Variants in TMEM132D observed in about 807,000 individuals in gnomAD.
TMEM132D encodes mature OL transmembrane protein.
In TMEM132D, 21 loss-of-function variants were observed where a neutral mutation model predicts 62.3. The ratio of observed to expected loss-of-function variants is 0.34; its 90% CI spans 0.24 to 0.49. The LOEUF is 0.49. TMEM132D is among the 20% of genes least tolerant of loss of function. The pLI, the probability that TMEM132D is intolerant of heterozygous loss-of-function variation, is 0.99. For missense variants in TMEM132D, 1,346 were observed against 1,402.8 expected, an observed-to-expected ratio of 0.96 and a Z score of 0.65; for synonymous variants, 621 against 575.6, an observed-to-expected ratio of 1.08 and a Z score of -1.13.
intron 2 of TMEM132D, among the ~76,000 whole-genome samples, chr12:129,605,441 A>G (rs1878589091): frequency 6.6e-6 from 1 of 151,832 alleles, no homozygotes; most frequent in African/African-American, 2.4e-5. Flanking sequence ...CACATCCAGG[A>G]AAAAATGGTC....
intron 2 of TMEM132D, among the ~76,000 whole-genome samples, chr12:129,567,966 G>A (rs1032272812): frequency 2.0e-5 from 3 of 152,196 alleles, no homozygotes; most frequent in Non-Finnish European, 2.9e-5. Flanking sequence ...GTGGTTTAGG[G>A]ATGGATTGCC....
chr12:129,286,173 T>G (rs929333313), intron 4 of TMEM132D, among the ~76,000 whole-genome samples: 3 of 152,202 alleles, frequency 2.0e-5, no homozygotes, highest in Non-Finnish European at 4.4e-5. Context: ...AATTTGAGTT[T>G]CAGACATACC....
At chr12:129,349,619 C>T (rs575544176) in intron 3 of TMEM132D, among the ~76,000 whole-genome samples, 4 of 152,292 alleles carry the variant, frequency 2.6e-5, no homozygotes, top group Admixed American at 1.3e-4. Context: ...AACCAACCTT[C>T]ACCTCCTGCT....
intron 5 of TMEM132D, among the ~76,000 whole-genome samples, chr12:129,127,039 G>A (rs928404763): frequency 1.3e-5 from 2 of 152,322 alleles, no homozygotes; most frequent in South Asian, 4.1e-4. Context: ...CCTTTAGAGG[G>A]AAAACATTTT....
At chr12:129,545,886 T>C (rs1876718609) in intron 2 of TMEM132D, among the ~76,000 whole-genome samples, 1 of 152,150 alleles carries the variant, frequency 6.6e-6, no homozygotes, top group South Asian at 2.1e-4. Context: ...CTCGGAGCTG[T>C]CTCTCTTCTC....
At chr12:129,713,782 A>G (rs1868465539) in intron 1 of TMEM132D, among the ~76,000 whole-genome samples, 1 of 152,198 alleles carries the variant, frequency 6.6e-6, no homozygotes, top group Admixed American at 6.5e-5. Flanking sequence ...TCATCTACCC[A>G]GCAGGCTTGC....
rs76352775 is a variant in TMEM132D, at chr12:129,081,761, G to A, written c.1921C>T (p.Gln641Ter). The change falls in exon 7 of 9, where the codon CAG becomes TAG. Residue 641 changes from glutamine to a stop codon, truncating the protein, a stop_gained and splice_region_variant. Transcript: ENST00000422113. LOFTEE classifies it high-confidence loss of function. ...GGGATTTTTTTTTTTTTTTTTACCT[G>A]AATGGTGGTCATCCCAAGCTCCTGC... The part of the protein sequence containing the change: ...MGQELGMTTI[Q>*]ILSPLSDTIL... 6.4e-7 allele frequency: 1 copy of A among 1,562,808 alleles called. No individual in the cohort carries two copies. The highest frequency in any genetic ancestry group is 8.6e-7 in the Non-Finnish European group (1 of 1,156,814).
chr12:129,736,663 G>C (rs1489845463), intron 1 of TMEM132D, among the ~76,000 whole-genome samples: 1 of 151,990 alleles, frequency 6.6e-6, no homozygotes, highest in Admixed American at 6.5e-5. Flanking sequence ...AGAGAAAAAT[G>C]TTCTAGGAGA....
intron 7 of TMEM132D, among the ~76,000 whole-genome samples, chr12:129,081,020 C>T (rs1357642206): frequency 6.6e-6 from 1 of 152,122 alleles, no homozygotes; most frequent in Non-Finnish European, 1.5e-5. Flanking sequence ...GCGGCTGTGA[C>T]TCGGTAGGGG....
intron 4 of TMEM132D, among the ~76,000 whole-genome samples, chr12:129,323,813 G>T (rs1042675881): frequency 1.1e-4 from 16 of 152,088 alleles, no homozygotes; most frequent in African/African-American, 3.9e-4. Context: ...GTCTAGCCAC[G>T]TGTGTTTCAT....
rs138308505 is a variant in TMEM132D at position 129,509,142 on chromosome 12, G to T, written c.1115+21917C>A. Among the ~76,000 whole-genome samples, 22 of 152,232 alleles carry T rather than the reference G, an allele frequency of 1.4e-4. 2 individuals are homozygous for T. Among genetic ancestry groups the T allele is most frequent in the African/African-American group, 5.1e-4 (21 of 41,546 alleles). ...GCTGTGCAGAAATGTAGAAAGCTAT[G>T]CCAGCTGAAATTTTCTGAGGCCACT... On this transcript the variant is annotated intron_variant, in intron 3 of 8. Coordinates refer to ENST00000422113, the MANE Select transcript of TMEM132D (RefSeq NM_133448.3).
chr12:129,586,272 G>C (rs1878027759), intron 2 of TMEM132D, among the ~76,000 whole-genome samples: 1 of 150,634 alleles, frequency 6.6e-6, no homozygotes, highest in South Asian at 2.1e-4. Context: ...CTTCCATCCT[G>C]TGGCCAACTT....
At chr12:129,096,483 A>G (rs1164318499) in intron 5 of TMEM132D, among the ~76,000 whole-genome samples, 2 of 152,194 alleles carry the variant, frequency 1.3e-5, no homozygotes, top group African/African-American at 4.8e-5. Context: ...CTGGGTGTTC[A>G]GGGAGGAGCC....
intron 3 of TMEM132D, among the ~76,000 whole-genome samples, chr12:129,410,551 G>T (rs966835547): frequency 6.6e-6 from 1 of 151,856 alleles, no homozygotes; most frequent in Non-Finnish European, 1.5e-5. Flanking sequence ...GTACAGATGG[G>T]GTTTCTCCAT....
At chr12:129,143,176 T>C (rs1876792638) in intron 5 of TMEM132D, among the ~76,000 whole-genome samples, 1 of 152,168 alleles carries the variant, frequency 6.6e-6, no homozygotes, top group Admixed American at 6.6e-5. Context: ...CTAGAACTTC[T>C]GATTGACTGG....
intron 3 of TMEM132D, among the ~76,000 whole-genome samples, chr12:129,487,224 C>A (rs939283448): frequency 1.1e-4 from 17 of 152,146 alleles, no homozygotes; most frequent in Non-Finnish European, 2.4e-4. Context: ...GAAACTGTAC[C>A]TGCAGCTCCA....
chr12:129,356,270 C>T lies in TMEM132D; in HGVS notation c.1116-18453G>A, dbSNP rs1255837758. The stretch of plus-strand genomic sequence containing the variant: ...CTCCCGGGTTCACGCCATTCTCCTG[C>T]CTCAGCCTCCCAAGTAGCTGGGACT... On this transcript the variant is annotated intron_variant, in intron 3 of 8. Transcript: ENST00000422113. Among the ~76,000 whole-genome samples, 4 of 66,690 alleles carry T rather than the reference C, an allele frequency of 6.0e-5. 2 individuals carry two copies. The highest frequency in any genetic ancestry group is 1.4e-4 in the African/African-American group (2 of 14,566). The allele number at this position is 66,690 out of a possible 152,430, so 43.8% of individuals were successfully genotyped here. A position where few individuals can be genotyped will look rare whatever the true frequency, so the allele number is the denominator to read the frequency against.
At chr12:129,517,695 T>C (rs1875723274) in intron 3 of TMEM132D, among the ~76,000 whole-genome samples, 1 of 152,202 alleles carries the variant, frequency 6.6e-6, no homozygotes, top group Admixed American at 6.5e-5. Context: ...TCAATCCACA[T>C]CTTCTCGTAA....
chr12:129,372,172 T>C (rs1870623971), intron 3 of TMEM132D, among the ~76,000 whole-genome samples: 1 of 152,208 alleles, frequency 6.6e-6, no homozygotes, highest in Non-Finnish European at 1.5e-5. Context: ...CCTCAGAGCC[T>C]CTACAAGGAA....
Sources: allele counts gnomAD v4.1 joint callset (sites outside exome capture counted in the v4.1 genomes callset), GRCh38; gene constraint gnomAD v4.1.1; transcripts MANE v1.5; gene names NCBI Gene and HGNC (gene_info 2026-07-23, HGNC 2026-07-21).